Variants in DLC1 observed in about 807,000 individuals in gnomAD.
DLC1 encodes the protein rho GTPase-activating protein 7.
A neutral mutation model predicts 140.3 loss-of-function variants in DLC1; 54 were observed. That is an observed-to-expected ratio of 0.38 (90% confidence interval 0.31 to 0.48). The LOEUF is 0.48. Ranked by LOEUF, DLC1 falls within the 20% of genes least tolerant of loss-of-function variation. The pLI, the probability that DLC1 is intolerant of heterozygous loss-of-function variation, is 0.96. For synonymous variants in DLC1, 986 were observed against 728.1 expected, an observed-to-expected ratio of 1.35 and a Z score of -5.70; for missense variants, 2,536 against 1,907.0, an observed-to-expected ratio of 1.33 and a Z score of -6.14.
chr8:13,089,056 C>G (rs685528), intron 15 of DLC1, among the ~76,000 whole-genome samples: 19,134 of 151,678 alleles, frequency 0.13, 2,142 homozygotes, highest in African/African-American at 0.3. Flanking sequence ...GTCAGGAGTT[C>G]AAGACCAGCC....
At chr8:13,318,908 A>G (rs1016907393) in intron 4 of DLC1, among the ~76,000 whole-genome samples, 1 of 152,236 alleles carries the variant, frequency 6.6e-6, no homozygotes, top group Non-Finnish European at 1.5e-5. Flanking sequence ...AAGTGTTTAT[A>G]CACTTTCACC....
At chr8:13,413,256 A>ATTTTTTTTGTTTTTTTTTTTTTTTTTT (rs1837876140) in intron 2 of DLC1, among the ~76,000 whole-genome samples, 2 of 82,006 alleles carry the variant, frequency 2.4e-5, no homozygotes, top group Non-Finnish European at 4.5e-5. Context: ...TTTTTTTGCG[A>ATTTTTTTTGTTTTTTTTTTTTTTTTTT]TTTTTTTTTT....
chr8:13,428,820 G>T (rs1002810106), intron 2 of DLC1, among the ~76,000 whole-genome samples: 1 of 152,084 alleles, frequency 6.6e-6, no homozygotes, highest in Non-Finnish European at 1.5e-5. Flanking sequence ...GTGGCCCGAG[G>T]GTGTTCTTGA....
At chr8:13,256,925 C>T (rs568635094) in intron 5 of DLC1, among the ~76,000 whole-genome samples, 15 of 148,412 alleles carry the variant, frequency 1.0e-4, no homozygotes, top group African/African-American at 2.7e-4. Flanking sequence ...TTGGGAGATA[C>T]GCAGAACTGC....
intron 5 of DLC1, among the ~76,000 whole-genome samples, chr8:13,300,860 G>T (rs1327747193): frequency 6.6e-6 from 1 of 152,240 alleles, no homozygotes; most frequent in African/African-American, 2.4e-5. Flanking sequence ...TGACAGTGCA[G>T]ATAATAGACT....
intron 2 of DLC1, among the ~76,000 whole-genome samples, chr8:13,403,153 T>C (rs905535620): frequency 6.6e-6 from 1 of 152,226 alleles, no homozygotes; most frequent in African/African-American, 2.4e-5. Context: ...CAGAATACTA[T>C]GCTGTTGTTA....
intron 1 of DLC1, among the ~76,000 whole-genome samples, chr8:13,502,347 G>A (rs1801856440): frequency 6.6e-6 from 1 of 152,060 alleles, no homozygotes; most frequent in African/African-American, 2.4e-5. Context: ...ATTTCTGTAA[G>A]TGTACACTTT....
upstream of DLC1, among the ~76,000 whole-genome samples, chr8:13,519,229 G>C (rs1011466203): frequency 4.7e-5 from 7 of 149,272 alleles, no homozygotes; most frequent in East Asian, 4.1e-4. Context: ...CTAGGTTCAC[G>C]CCATTCTCCT....
At chr8:13,237,985 C>T (rs556375801) in intron 5 of DLC1, among the ~76,000 whole-genome samples, 25 of 152,168 alleles carry the variant, frequency 1.6e-4, no homozygotes, top group Middle Eastern at 3.4e-3. Context: ...AGGAAAGAAA[C>T]GAACAGGTGA....
At chr8:13,462,670 T>G (rs1222180170) in intron 2 of DLC1, among the ~76,000 whole-genome samples, 2 of 152,190 alleles carry the variant, frequency 1.3e-5, no homozygotes, top group Admixed American at 1.3e-4. Context: ...TCTCCCAAAG[T>G]GCTGGGATTA....
At chr8:13,267,679 C>G (rs1459085103) in intron 5 of DLC1, among the ~76,000 whole-genome samples, 1 of 151,338 alleles carries the variant, frequency 6.6e-6, no homozygotes, top group Non-Finnish European at 1.5e-5. Context: ...ACTCAGGAAT[C>G]TTCAATCTTT....
intron 5 of DLC1, among the ~76,000 whole-genome samples, chr8:13,269,982 G>A (rs1830863514): frequency 6.6e-6 from 1 of 151,244 alleles, no homozygotes; most frequent in African/African-American, 2.4e-5. Flanking sequence ...GTGTGAACCC[G>A]GGAGGTGGAG....
chr8:13,257,705 C>T (rs993151995), intron 5 of DLC1, among the ~76,000 whole-genome samples: 4 of 134,204 alleles, frequency 3.0e-5, no homozygotes, highest in Admixed American at 1.6e-4. Flanking sequence ...TTGTTTATGT[C>T]AACTACGGAA....
chr8:13,189,369 T>C (rs1158603510), intron 5 of DLC1, among the ~76,000 whole-genome samples: 3 of 152,118 alleles, frequency 2.0e-5, no homozygotes, highest in Non-Finnish European at 4.4e-5. Flanking sequence ...TCCCAGCACT[T>C]TGGAAGGCTG....
intron 2 of DLC1, among the ~76,000 whole-genome samples, chr8:13,462,333 T>A (rs920348532): frequency 1.3e-5 from 2 of 152,252 alleles, no homozygotes; most frequent in African/African-American, 4.8e-5. Context: ...ACCTGGGAAC[T>A]TTTCTTTTGT....
chr8:13,525,156 G>T (rs983264200), intron 1 of DLC1, among the ~76,000 whole-genome samples: 35 of 152,096 alleles, frequency 2.3e-4, no homozygotes, highest in Non-Finnish European at 2.5e-4. Context: ...CCATGTTGTT[G>T]CATGTATCTG....
At chr8:13,199,512 A>G (rs901682743) in intron 5 of DLC1, among the ~76,000 whole-genome samples, 1 of 151,968 alleles carries the variant, frequency 6.6e-6, no homozygotes, top group South Asian at 2.1e-4. Context: ...CTGCAACATC[A>G]TGCCCCCTGG....
intron 4 of DLC1, among the ~76,000 whole-genome samples, chr8:13,377,170 C>T (rs573862164): frequency 1.3e-4 from 20 of 152,142 alleles, no homozygotes; most frequent in Admixed American, 9.2e-4. Context: ...AGTCCAAGGG[C>T]AGCATCTTAT....
In DLC1 at chr8:13,233,673, A is replaced by G. The variant is rs549205082; in HGVS notation, c.1348+71596T>C. 2.6e-5 allele frequency among the ~76,000 whole-genome samples: 4 copies of G among 152,354 alleles called. No homozygotes were observed. The South Asian group carries it at 8.3e-4, about 32-fold the overall frequency. Reference sequence around the variant, plus strand: ...CCACATCTTCTATCACATTGCTTCAATTTCAATAGAACATTTAAACACATG... The same window carrying G: ...CCACATCTTCTATCACATTGCTTCAGTTTCAATAGAACATTTAAACACATG... On this transcript the variant is annotated intron_variant, in intron 5 of 17. Coordinates refer to ENST00000276297, the MANE Select transcript of DLC1 (RefSeq NM_182643.3).
Sources: gnomAD v4.1 joint callset for allele counts (sites outside exome capture counted in the v4.1 genomes callset) on GRCh38, gnomAD v4.1.1 for gene constraint, MANE v1.5 for transcripts, NCBI Gene and HGNC (gene_info 2026-07-23, HGNC 2026-07-21) for gene names.